PLCB1: variants seen among roughly 807,000 people sequenced by gnomAD.
PLCB1 encodes the protein phospholipase C beta 1, also known as 1-phosphatidylinositol 4,5-bisphosphate phosphodiesterase beta-1.
PLCB1 carries 46 observed loss-of-function variants against 161.8 expected under a neutral mutation model. The ratio of observed to expected loss-of-function variants is 0.28; its 90% CI spans 0.22 to 0.36. The LOEUF (loss-of-function observed/expected upper bound fraction) is 0.36, where lower values mean the gene tolerates loss of function less well. Ranked by LOEUF, PLCB1 falls within the 10% of genes least tolerant of loss-of-function variation. The probability of loss-of-function intolerance (pLI) is 1.00; values close to 1 mark genes in which losing one functional copy is unlikely to be tolerated. For synonymous variants in PLCB1, 517 were observed against 503.7 expected (o/e 1.03, Z -0.35); for missense variants, 1,016 against 1,472.5 (o/e 0.69, Z 5.07).
intron 2 of PLCB1, among the ~76,000 whole-genome samples, chr20:8,284,702 C>T (rs974167496): frequency 2.6e-5 from 4 of 152,156 alleles, no homozygotes; most frequent in African/African-American, 9.7e-5. Context: ...ACATTGATAA[C>T]ATTTCATAAC....
chr20:8,486,993 G>A (rs1019753039), intron 3 of PLCB1, among the ~76,000 whole-genome samples: 6 of 152,188 alleles, frequency 3.9e-5, no homozygotes, highest in Non-Finnish European at 7.3e-5. Flanking sequence ...CCATAGAAAT[G>A]AACGTGATTG....
intron 3 of PLCB1, among the ~76,000 whole-genome samples, chr20:8,504,664 G>A (rs1270746677): frequency 6.6e-6 from 1 of 151,974 alleles, no homozygotes; most frequent in Non-Finnish European, 1.5e-5. Context: ...TAAAAACACA[G>A]TTTAACCTAC....
At chr20:8,497,574 A>G (rs750261446) in intron 3 of PLCB1, among the ~76,000 whole-genome samples, 2 of 152,222 alleles carry the variant, frequency 1.3e-5, no homozygotes, top group African/African-American at 2.4e-5. Flanking sequence ...CTAATTAATT[A>G]TAAAAGATTT....
At chr20:8,814,483 G>T (rs1026392233) in intron 31 of PLCB1, among the ~76,000 whole-genome samples, 1 of 151,948 alleles carries the variant, frequency 6.6e-6, no homozygotes, top group Non-Finnish European at 1.5e-5. Flanking sequence ...GGAGGACAGG[G>T]ATTTATAAGT....
At chr20:8,173,582 C>T (rs886491145) in intron 2 of PLCB1, among the ~76,000 whole-genome samples, 12 of 152,098 alleles carry the variant, frequency 7.9e-5, no homozygotes, top group East Asian at 3.9e-4. Context: ...AAAAATAAAA[C>T]GTCCAGGATA....
chr20:8,512,315 G>A (rs1312376328), intron 3 of PLCB1, among the ~76,000 whole-genome samples: 1 of 152,058 alleles, frequency 6.6e-6, no homozygotes, highest in East Asian at 1.9e-4. Flanking sequence ...CGGGATTTAG[G>A]CATAGGTGCT....
intron 3 of PLCB1, among the ~76,000 whole-genome samples, chr20:8,497,025 C>G (rs148170048): frequency 1.9e-3 from 282 of 152,256 alleles, no homozygotes; most frequent in African/African-American, 6.3e-3. Context: ...ATATTAAAAG[C>G]TTGCTTGACA....
At chr20:8,163,260 G>A (rs1350347766) in intron 2 of PLCB1, among the ~76,000 whole-genome samples, 1 of 152,178 alleles carries the variant, frequency 6.6e-6, no homozygotes, top group Non-Finnish European at 1.5e-5. Context: ...GTGCAGAGAG[G>A]AGAGGGAGCA....
intron 3 of PLCB1, among the ~76,000 whole-genome samples, chr20:8,490,881 CACATATCTATATGTACACATAT>C (rs1982918245): frequency 8.2e-5 from 11 of 134,262 alleles, no homozygotes; most frequent in Non-Finnish European, 6.5e-5. Context: ...TATATATGTA[CACATATCTATATGTACACATAT>C]ATATGTGTAC....
intron 2 of PLCB1, among the ~76,000 whole-genome samples, chr20:8,364,616 GGGTGTCATT>G: frequency 6.6e-6 from 1 of 152,322 alleles, no homozygotes; most frequent in East Asian, 1.9e-4. Flanking sequence ...ATCTTCAGCA[GGGTGTCATT>G]CATTCATAAA....
At chr20:8,329,546 A>C (rs1172681906) in intron 2 of PLCB1, among the ~76,000 whole-genome samples, 1 of 152,104 alleles carries the variant, frequency 6.6e-6, no homozygotes, top group Non-Finnish European at 1.5e-5. Flanking sequence ...TCAGACAATC[A>C]AAATGTTTTC....
chr20:8,724,977 C>G (rs1343623443), intron 16 of PLCB1, among the ~76,000 whole-genome samples: 1 of 152,022 alleles, frequency 6.6e-6, no homozygotes, highest in African/African-American at 2.4e-5. Flanking sequence ...ATGGTGTTCT[C>G]CAAAAATATT....
At chr20:8,219,912 G>T (rs1388919038) in intron 2 of PLCB1, among the ~76,000 whole-genome samples, 1 of 152,118 alleles carries the variant, frequency 6.6e-6, no homozygotes, top group Admixed American at 6.6e-5. Flanking sequence ...TTTCATAAGT[G>T]ATTTTTTCTT....
Position 8,881,384 on chromosome 20 carries a change from T to C in PLCB1, c.3424-238T>C, listed in dbSNP as rs948905983. On this transcript the variant is annotated intron_variant, in intron 31 of 31. Transcript: ENST00000338037. ...GCATTTGTAGATACCGCTATTCATC[T>C]TATTCTGAGTCTTTAGCCTTATTGT... is the stretch of plus-strand genomic sequence containing the variant. Among the ~76,000 whole-genome samples, 4 of 151,450 alleles carry C rather than the reference T, an allele frequency of 2.6e-5. No individual in the cohort carries two copies. The South Asian group carries it at 8.3e-4, about 32-fold the overall frequency.
chr20:8,287,608 G>T (rs976529390), intron 2 of PLCB1, among the ~76,000 whole-genome samples: 1 of 152,148 alleles, frequency 6.6e-6, no homozygotes, highest in Non-Finnish European at 1.5e-5. Context: ...ATCTTTACAA[G>T]GTGTAATAAT....
At chr20:8,492,854 G>A (rs866961423) in intron 3 of PLCB1, among the ~76,000 whole-genome samples, 6,880 of 150,214 alleles carry the variant, frequency 0.046, 503 homozygotes, top group African/African-American at 0.16. Context: ...ATATATGTGT[G>A]TGTGTGTGTG....
At chr20:8,685,576 A>AG (rs1399590715) in intron 10 of PLCB1, among the ~76,000 whole-genome samples, 1 of 150,616 alleles carries the variant, frequency 6.6e-6, no homozygotes, top group Non-Finnish European at 1.5e-5. Context: ...AATACAAAAA[A>AG]AAAAAAAAAA....
intron 31 of PLCB1, among the ~76,000 whole-genome samples, chr20:8,823,680 C>G (rs1305783437): frequency 2.0e-5 from 3 of 152,118 alleles, no homozygotes; most frequent in Admixed American, 2.0e-4. Flanking sequence ...AGAGCATATT[C>G]CCTAGTGGCA....
intron 3 of PLCB1, among the ~76,000 whole-genome samples, chr20:8,623,070 C>T (rs1988229805): frequency 6.6e-6 from 1 of 152,044 alleles, no homozygotes; most frequent in South Asian, 2.1e-4. Context: ...CCAGCAGCCC[C>T]TTATCTTTCC....
Sources: gnomAD v4.1 joint callset for allele counts (sites outside exome capture counted in the v4.1 genomes callset) on GRCh38, gnomAD v4.1.1 for gene constraint, MANE v1.5 for transcripts, NCBI Gene and HGNC (gene_info 2026-07-23, HGNC 2026-07-21) for gene names.